The following TNRC6B variants were observed in gnomAD, a reference collection of about 807,000 sequenced individuals.
TNRC6B encodes the protein trinucleotide repeat containing adaptor 6B, also known as trinucleotide repeat-containing gene 6B protein.
Under a neutral mutation model 203.6 loss-of-function variants are expected in TNRC6B, and 52 were observed. That is an observed-to-expected ratio of 0.26 (90% CI 0.20 to 0.32). The LOEUF (loss-of-function observed/expected upper bound fraction) is 0.32. TNRC6B is among the 10% of genes least tolerant of loss of function. The pLI, the probability that TNRC6B is intolerant of heterozygous loss-of-function variation, is 1.00. For synonymous variants in TNRC6B, 838 were observed against 845.7 expected (o/e 0.99, Z 0.16); for missense variants, 1,923 against 2,286.2 (o/e 0.84, Z 3.24).
chr22:40,301,578 CT>C, intron 15 of TNRC6B: 38 of 485,800 alleles, frequency 7.8e-5, no homozygotes, highest in Non-Finnish European at 1.1e-4. Context: ...AGCAGTCTTC[CT>C]TTTTTTTGTG....
Position 40,265,771 on chromosome 22 carries a change from C to T in TNRC6B, c.1541C>T (p.Pro514Leu), listed in dbSNP as rs780650568. 20 of 1,613,780 alleles carry T rather than the reference C, an allele frequency of 1.2e-5. No homozygotes were observed. Among genetic ancestry groups the T allele is most frequent in the Non-Finnish European group, 1.4e-5 (16 of 1,179,878 alleles). ...GTCTCTCAGGGAGAATGGAAACAGC[C>T]GACTGGGTCTGATGAGTTGAAAATT... ...SGVSQGEWKQ[P>L]TGSDELKIGE... Residue 514 changes from proline to leucine, a missense_variant, in exon 5 of 23, where the codon CCG becomes CTG. Around this residue, in one of 8 missense-constraint regions of TNRC6B, gnomAD observed 614 missense variants for 587.7 expected, o/e 1.04. Coordinates refer to ENST00000454349, the MANE Select transcript of TNRC6B (RefSeq NM_001162501.2).
chr22:40,278,128 T>TGG (rs2070672433), intron 9 of TNRC6B, 84 bp downstream of exon 9: 1 of 1,038,022 alleles, frequency 9.6e-7, no homozygotes, highest in East Asian at 2.6e-5. Flanking sequence ...TGATTAGGGA[T>TGG]AGGTGCAGTT....
intron 1 of TNRC6B, among the ~76,000 whole-genome samples, chr22:40,198,946 A>G (rs1192127731): frequency 6.6e-6 from 1 of 151,998 alleles, no homozygotes; most frequent in Non-Finnish European, 1.5e-5. Flanking sequence ...ATTTTCCACT[A>G]AAAGGAACCC....
chr22:40,055,705 G>A (rs1025731107), intron 1 of TNRC6B, among the ~76,000 whole-genome samples: 1 of 152,162 alleles, frequency 6.6e-6, no homozygotes, highest in African/African-American at 2.4e-5. Flanking sequence ...GATGTTAGGT[G>A]GAATTAGAAA....
Position 40,159,668 on chromosome 22 carries a change from A to T in TNRC6B, c.113+3486A>T, listed in dbSNP as rs750284552. Among the ~76,000 whole-genome samples the T allele has an allele frequency of 4.2e-3, 320 of 76,378 alleles. 1 individual carries two copies. Among genetic ancestry groups the T allele is most frequent in the African/African-American group, 7.6e-3 (55 of 7,218 alleles). The allele number at this position is 76,378 out of a possible 152,430, so 50.1% of individuals were successfully genotyped here. A position where few individuals can be genotyped will look rare whatever the true frequency, so the allele number is the denominator to read the frequency against. On this transcript the variant is annotated intron_variant, in intron 4 of 23. Transcript: ENST00000301923. ...CATTAAAAAAAAAATTTAAAAATTT[A>T]AAAAAAAAGAAAGGTGAAACCCTTC...
At chr22:40,321,946 C>T (rs1326888897) in intron 22 of TNRC6B, 1 of 152,338 alleles carries the variant, frequency 6.6e-6, no homozygotes. Flanking sequence ...CTTTGCCCAT[C>T]CCCTTCCCTG....
At chr22:40,317,176 A>T (rs931868974) in intron 21 of TNRC6B, among the ~76,000 whole-genome samples, 1 of 152,226 alleles carries the variant, frequency 6.6e-6, no homozygotes, top group African/African-American at 2.4e-5. Context: ...TTTAGTTACA[A>T]AACCTCAGTA....
In TNRC6B at chr22:40,302,757, A is replaced by AGG. The variant is rs543806453; in HGVS notation, c.4120+1428_4120+1429dup. Reference sequence around the variant, plus strand: ...CCCGTGATCCTCCTACTGCACGTGCAGGGGGTGAGCAAAGACTTCAAGGTG... The same window carrying AGG: ...CCCGTGATCCTCCTACTGCACGTGCAGGGGGGGTGAGCAAAGACTTCAAGGTG... On this transcript the variant is annotated intron_variant, in intron 15 of 22. Coordinates refer to ENST00000454349, the MANE Select transcript of TNRC6B (RefSeq NM_001162501.2). Among the ~76,000 whole-genome samples the AGG allele has an allele frequency of 1.5e-3, 233 of 152,260 alleles. 1 individual carries two copies. Among genetic ancestry groups the AGG allele is most frequent in the South Asian group, 6.0e-3 (29 of 4,828 alleles).
rs60000368 is a variant in TNRC6B at position 40,335,477 on chromosome 22, C to CA, written c.*12252dup. 7,581 of 86,728 alleles carry CA rather than the reference C, an allele frequency of 0.087. 359 individuals carry two copies. The highest frequency in any genetic ancestry group is 0.2 in the African/African-American group (5,112 of 25,366). The allele number at this position is 86,728 out of a possible 1,614,324, so 5.4% of individuals were successfully genotyped here. On this transcript the variant is annotated 3_prime_UTR_variant, in exon 23 of 23. Coordinates refer to ENST00000454349, the MANE Select transcript of TNRC6B (RefSeq NM_001162501.2). Reference sequence around the variant, plus strand: ...GTACTGTATTTCTCATGCTGGATTTCAAAAAAAAAAAAAAAAGTATCAAAA... The same window carrying CA: ...GTACTGTATTTCTCATGCTGGATTTCAAAAAAAAAAAAAAAAAGTATCAAAA...
intron 3 of TNRC6B, among the ~76,000 whole-genome samples, chr22:40,143,658 C>A (rs567148721): frequency 3.9e-5 from 6 of 151,940 alleles, no homozygotes; most frequent in South Asian, 2.1e-4. Flanking sequence ...CACCACGCCC[C>A]GCTAATTTTT....
At chr22:40,088,584 T>TGTGTGTGTGTGTG (rs2068120522) in intron 1 of TNRC6B, among the ~76,000 whole-genome samples, 1 of 125,136 alleles carries the variant, frequency 8.0e-6, no homozygotes, top group East Asian at 2.4e-4. Context: ...GCGGCTACTT[T>TGTGTGTGTGTGTG]TGTGTGTGTG....
chr22:40,304,306 C>G (rs989368887), intron 15 of TNRC6B, among the ~76,000 whole-genome samples: 1 of 152,092 alleles, frequency 6.6e-6, no homozygotes, highest in African/African-American at 2.4e-5. Flanking sequence ...CTAATTCTGT[C>G]CTTTTAGCAA....
chr22:40,190,633 C>T (rs2069258844), intron 1 of TNRC6B, among the ~76,000 whole-genome samples: 1 of 152,228 alleles, frequency 6.6e-6, no homozygotes, highest in Non-Finnish European at 1.5e-5. Flanking sequence ...ATGCACTTTA[C>T]TCCTGTAATC....
intron 1 of TNRC6B, among the ~76,000 whole-genome samples, chr22:40,091,561 C>G (rs1338166283): frequency 6.6e-6 from 1 of 151,882 alleles, no homozygotes; most frequent in African/African-American, 2.4e-5. Flanking sequence ...GGTATTGGGA[C>G]TGTTACTAAT....
chr22:40,111,744 A>G (rs1852410219), intron 1 of TNRC6B, among the ~76,000 whole-genome samples: 1 of 152,198 alleles, frequency 6.6e-6, no homozygotes, highest in Non-Finnish European at 1.5e-5. Flanking sequence ...GACTGTAAGA[A>G]AGGTCAGCAC....
chr22:40,160,997 T>G (rs2068867485), intron 4 of TNRC6B, among the ~76,000 whole-genome samples: 1 of 152,194 alleles, frequency 6.6e-6, no homozygotes, highest in African/African-American at 2.4e-5. Flanking sequence ...TGGATTGTTT[T>G]TATAGCTTTG....
intron 1 of TNRC6B, among the ~76,000 whole-genome samples, chr22:40,072,266 A>G (rs549199061): frequency 7.9e-5 from 12 of 152,338 alleles, no homozygotes; most frequent in African/African-American, 2.6e-4. Context: ...ACAGCATATA[A>G]TATATTTGAC....
At chr22:40,154,866 T>A (rs867697958) in intron 3 of TNRC6B, among the ~76,000 whole-genome samples, 326 of 31,512 alleles carry the variant, frequency 0.01, 2 homozygotes, top group African/African-American at 0.043. Context: ...AAAAAATATA[T>A]ATATATATAT....
intron 15 of TNRC6B, among the ~76,000 whole-genome samples, chr22:40,303,843 A>C (rs1164674387): frequency 1.3e-5 from 2 of 152,214 alleles, no homozygotes; most frequent in African/African-American, 2.4e-5. Flanking sequence ...CCCAGGCGGC[A>C]GAGGTTGCAG....
Sources: gnomAD v4.1 joint callset for allele counts (sites outside exome capture counted in the v4.1 genomes callset) on GRCh38, gnomAD v4.1.1 for gene constraint, gnomAD v4.1.1 regional missense constraint, MANE v1.5 for transcripts, NCBI Gene and HGNC (gene_info 2026-07-23, HGNC 2026-07-21) for gene names.